SETD5: variants seen among roughly 807,000 people sequenced by gnomAD.
SETD5 encodes the protein histone-lysine N-methyltransferase SETD5.
SETD5 carries 44 observed loss-of-function variants against 153.3 expected under a neutral mutation model. The observed-to-expected ratio is 0.29, with a 90% CI of 0.23 to 0.37. The LOEUF (loss-of-function observed/expected upper bound fraction) is 0.37. Among genes scored for constraint, SETD5 ranks in the 10% least tolerant of loss-of-function variants. The pLI is 1.00. For synonymous variants in SETD5, 716 were observed against 645.2 expected, an observed-to-expected ratio of 1.11 and a Z score of -1.66; for missense variants, 1,544 against 1,768.0, an observed-to-expected ratio of 0.87 and a Z score of 2.27.
intron 2 of SETD5, chr3:9,426,213 C>CTTTTTTTTTTTTT (rs879676601): frequency 1.5e-5 from 1 of 68,498 alleles, no homozygotes; most frequent in Non-Finnish European, 2.5e-5. Context: ...TCATCAGTCC[C>CTTTTTTTTTTTTT]TTTTTTTTTT....
chr3:9,470,449 A>T lies in SETD5; in HGVS notation c.2725-10A>T, dbSNP rs1029409870. On this transcript the variant is annotated splice_polypyrimidine_tract_variant and intron_variant, in intron 18 of 22. Coordinates refer to ENST00000402198, the MANE Select transcript of SETD5 (RefSeq NM_001080517.3). Reference sequence around the variant, plus strand: ...CTACCCCATGTCTCCGTTGATTTTTATTCTTTCAGCTTTGTCACCGAAAAG... The same window carrying T: ...CTACCCCATGTCTCCGTTGATTTTTTTTCTTTCAGCTTTGTCACCGAAAAG... The T allele has an allele frequency of 6.2e-7, 1 of 1,601,644 alleles. No individual in the cohort carries two copies. Among genetic ancestry groups the T allele is most frequent in the Non-Finnish European group, 8.5e-7 (1 of 1,171,764 alleles).
chr3:9,475,461 G>A (rs374233927), intron 22 of SETD5, 22 bp from the exon 23 acceptor site: 132 of 1,592,228 alleles, frequency 8.3e-5, no homozygotes, highest in South Asian at 1.2e-4. Context: ...GTCCTTATTC[G>A]TTTCCTCCCA....
chr3:9,460,315 T>A (rs1345685660), intron 17 of SETD5, among the ~76,000 whole-genome samples: 1 of 151,332 alleles, frequency 6.6e-6, no homozygotes, highest in Non-Finnish European at 1.5e-5. Context: ...AGACATGTGG[T>A]ATATATAGAT....
At chr3:9,429,349 G>T (rs1234810895) in intron 3 of SETD5, 1 of 181,094 alleles carries the variant, frequency 5.5e-6, no homozygotes, top group Non-Finnish European at 1.2e-5. Context: ...GATGGAGGGA[G>T]ATAAGAAGGT....
chr3:9,469,926 C>G (rs1464069778), intron 18 of SETD5, among the ~76,000 whole-genome samples: 1 of 152,114 alleles, frequency 6.6e-6, no homozygotes, highest in Non-Finnish European at 1.5e-5. Flanking sequence ...GTCTTTAATG[C>G]CATCCTCCTT....
Position 9,445,668 on chromosome 3 carries a change from TCCAGAAGAAAAA to T in SETD5, c.1462_1473del (p.Lys488_Glu491del), listed in dbSNP as rs1286238331. On this transcript the variant is annotated inframe_deletion, in exon 13 of 23. Transcript: ENST00000402198. Reference sequence around the variant, plus strand: ...CCTCTATCTTAAAGGAAGTAGACAATCCAGAAGAAAAACCAGAAGAAGAGAAAGAAGAGGTTA... The same window carrying T: ...CCTCTATCTTAAAGGAAGTAGACAATCCAGAAGAAGAGAAAGAAGAGGTTA... 3 of 1,613,394 alleles carry T rather than the reference TCCAGAAGAAAAA, an allele frequency of 1.9e-6. No individual in the cohort carries two copies. The highest frequency in any genetic ancestry group is 1.1e-5 in the South Asian group (1 of 91,054).
chr3:9,457,030 G>GAAGA (rs148802032), intron 17 of SETD5, among the ~76,000 whole-genome samples: 10,450 of 151,852 alleles, frequency 0.069, 531 homozygotes, highest in Admixed American at 0.12. Flanking sequence ...GAAAAGAAAA[G>GAAGA]AAGAAAGAAA....
At chr3:9,438,287 T>G (rs17050340) in intron 7 of SETD5, among the ~76,000 whole-genome samples, 10,287 of 152,224 alleles carry the variant, frequency 0.068, 510 homozygotes, top group Admixed American at 0.12. Context: ...TAGCTTCCCC[T>G]TTATTTTTGT....
chr3:9,443,368 A>T lies in SETD5; in HGVS notation c.1138A>T (p.Thr380Ser). ...HLCIYAVSAI[T>S]KDAEVTIAFD... The stretch of plus-strand genomic sequence containing the variant: ...GTGCATCTATGCTGTGTCTGCCATC[A>T]CCAAGGATGCTGAGGTCACCATAGC... Residue 380 changes from threonine to serine, a missense_variant, in exon 11 of 23, where the codon ACC becomes TCC. By Grantham distance (58) the Thr-to-Ser change is moderately conservative. This residue lies in a region of SETD5 where 46 missense variants were observed against 111.8 expected (regional missense o/e 0.41). Coordinates refer to ENST00000402198, the MANE Select transcript of SETD5 (RefSeq NM_001080517.3). 1 of 1,508,204 alleles carries T rather than the reference A, an allele frequency of 6.6e-7. No homozygotes were observed. 93.4% of individuals were successfully genotyped at this position (1,508,204 alleles called of 1,614,324 possible). A position where few individuals can be genotyped will look rare whatever the true frequency, so the allele number is the denominator to read the frequency against.
rs1299945385 is a variant in SETD5 at position 9,434,173 on chromosome 3, A to G, written c.178-161A>G. On this transcript the variant is annotated intron_variant, in intron 4 of 22. Coordinates refer to ENST00000402198, the MANE Select transcript of SETD5 (RefSeq NM_001080517.3). The surrounding 1 kb of genome is among the most constrained non-coding windows in gnomAD (Gnocchi z 5.6). ...TATCACTTTCCTGGTTGAAGCCAAA[A>G]AACAAAGGGTACTACTTTCTTCTTT... 6.5e-7 allele frequency: 1 copy of G among 1,549,682 alleles called. No homozygotes were observed. The highest frequency in any genetic ancestry group is 8.7e-7 in the Non-Finnish European group (1 of 1,146,514).
intron 1 of SETD5, among the ~76,000 whole-genome samples, chr3:9,419,615 T>C (rs1050598024): frequency 4.0e-4 from 61 of 152,316 alleles, no homozygotes; most frequent in African/African-American, 1.3e-3. Context: ...CTAAGGTAAG[T>C]AGTAATTACT....
intron 2 of SETD5, among the ~76,000 whole-genome samples, chr3:9,427,337 G>A (rs2039404409): frequency 6.6e-6 from 1 of 152,172 alleles, no homozygotes; most frequent in Non-Finnish European, 1.5e-5. Context: ...GATCACCGGA[G>A]GTCAGGAGTT....
Position 9,470,780 on chromosome 3 carries a change from G to A in SETD5, c.3046G>A (p.Gly1016Arg). ...GGATAGGAAGCCTTTACATTTGGAT[G>A]GGGGATATTGTTCCCCTGCAGAAGG... ...VGDRKPLHLDGGYCSPAEGFS... is the reference protein window; with the variant it reads ...VGDRKPLHLDRGYCSPAEGFS... Residue 1016 changes from glycine (G) to arginine (R), a missense_variant, in exon 19 of 23, where the codon GGG becomes AGG. Around this residue, in one of 9 missense-constraint regions of SETD5, gnomAD observed 782 missense variants for 787.2 expected, o/e 0.99. Transcript: ENST00000402198. 17 of 1,613,884 alleles carry A rather than the reference G, an allele frequency of 1.1e-5. No homozygotes were observed. The highest frequency in any genetic ancestry group is 1.4e-5 in the Non-Finnish European group (17 of 1,179,822).
At chr3:9,405,250 TGTATTATTA>T (rs1349282036) in intron 1 of SETD5, among the ~76,000 whole-genome samples, 2 of 152,234 alleles carry the variant, frequency 1.3e-5, no homozygotes, top group Non-Finnish European at 2.9e-5. Context: ...CAGATGCCAC[TGTATTATTA>T]GCTTGAAGAA....
intron 16 of SETD5, among the ~76,000 whole-genome samples, chr3:9,453,060 T>C (rs2042813576): frequency 6.6e-6 from 1 of 152,210 alleles, no homozygotes; most frequent in East Asian, 1.9e-4. Flanking sequence ...TTCTAATCTT[T>C]ACTACCAAAA....
intron 13 of SETD5, among the ~76,000 whole-genome samples, chr3:9,446,563 A>G (rs932350333): frequency 1.5e-4 from 22 of 150,960 alleles, no homozygotes; most frequent in African/African-American, 4.9e-4. Flanking sequence ...CGCAATCTCA[A>G]CTCACCACAA....
At chr3:9,461,678 A>G (rs2043969286) in intron 17 of SETD5, among the ~76,000 whole-genome samples, 1 of 152,168 alleles carries the variant, frequency 6.6e-6, no homozygotes, top group Non-Finnish European at 1.5e-5. Context: ...CATAATAAGT[A>G]CTCAGTAAAT....
Position 9,435,756 on chromosome 3 carries a change from G to GGAT in SETD5, c.420_422dup (p.Asp140dup), listed in dbSNP as rs1485498402. On this transcript the variant is annotated inframe_insertion, in exon 7 of 23. Transcript: ENST00000402198. Reference sequence around the variant, plus strand: ...GGGATAGCAGTGCAACAGAAAGCTGGGATGAGGAGCTTTCTCCTTCCACTG... The same window carrying GGAT: ...GGGATAGCAGTGCAACAGAAAGCTGGGATGATGAGGAGCTTTCTCCTTCCACTG... The GGAT allele has an allele frequency of 6.2e-7, 1 of 1,600,332 alleles. No homozygotes were observed. Among genetic ancestry groups the GGAT allele is most frequent in the Non-Finnish European group, 8.5e-7 (1 of 1,174,148 alleles).
Position 9,456,060 on chromosome 3 carries a change from G to T in SETD5, c.2476+2192G>T, listed in dbSNP as rs530905062. On this transcript the variant is annotated intron_variant, in intron 17 of 22. Coordinates refer to ENST00000402198, the MANE Select transcript of SETD5 (RefSeq NM_001080517.3). ...TACTTTTATTTGTTGGCTCTCTTTT[G>T]TTTTTTTCAAGAATACCAAAGAGAC... Among the ~76,000 whole-genome samples, 19 of 152,012 alleles carry T rather than the reference G, an allele frequency of 1.2e-4. No individual in the cohort carries two copies. The South Asian group carries it at 3.7e-3, about 30-fold the overall frequency.
Sources: allele counts gnomAD v4.1 joint callset (sites outside exome capture counted in the v4.1 genomes callset), GRCh38; gene constraint gnomAD v4.1.1; regional missense constraint gnomAD v4.1.1; non-coding constraint Gnocchi (gnomAD v3.1); transcripts MANE v1.5; gene names NCBI Gene and HGNC (gene_info 2026-07-23, HGNC 2026-07-21).